The following BLM variants were observed in gnomAD, a reference collection of about 807,000 sequenced individuals.
BLM encodes BLM RecQ like helicase.
BLM carries 95 observed loss-of-function variants against 135.3 expected under a neutral mutation model. That is an observed-to-expected ratio of 0.70 (90% confidence interval 0.59 to 0.83). The LOEUF (loss-of-function observed/expected upper bound fraction) is 0.83. Among genes scored for constraint, BLM ranks in the 40% least tolerant of loss-of-function variants. The probability of loss-of-function intolerance (pLI) is 0.00; values close to 1 mark genes in which losing one functional copy is unlikely to be tolerated. For synonymous variants in BLM, 520 were observed against 589.2 expected, an observed-to-expected ratio of 0.88 and a Z score of 1.70; for missense variants, 1,518 against 1,663.9, an observed-to-expected ratio of 0.91 and a Z score of 1.53.
rs1288025724 is a variant in BLM at position 90,794,251 on chromosome 15, A to G, written c.3104A>G (p.Glu1035Gly). 1.2e-6 allele frequency: 2 copies of G among 1,605,484 alleles called. No individual in the cohort carries two copies. Among genetic ancestry groups the G allele is most frequent in the East Asian group, 4.5e-5 (2 of 44,484 alleles). The change falls in exon 16 of 22, where the codon GAA (glutamate) becomes GGA (glycine). Residue 1035 changes from glutamate (E) to glycine (G), a missense_variant. Glu to Gly is a moderately conservative substitution (Grantham distance 98). Around this residue, in one of 5 missense-constraint regions of BLM, gnomAD observed 626 missense variants for 681.1 expected, o/e 0.92. Transcript: ENST00000355112. Reference protein sequence around the residue: ...SMVHYCENITECRRIQLLAYF... With the variant: ...SMVHYCENITGCRRIQLLAYF... The stretch of plus-strand genomic sequence containing the variant: ...GTACATTACTGTGAAAATATAACGG[A>G]ATGCAGGAGAATACAGCTTTTGGCC...
At chr15:90,754,584 G>T (rs1478610166) in intron 4 of BLM, among the ~76,000 whole-genome samples, 3 of 152,152 alleles carry the variant, frequency 2.0e-5, no homozygotes, top group Non-Finnish European at 4.4e-5. Flanking sequence ...CTGAAGATTT[G>T]TGTTACTGAA....
At chr15:90,730,356 AAAAAG>A (rs1490010717) in intron 1 of BLM, among the ~76,000 whole-genome samples, 1 of 152,194 alleles carries the variant, frequency 6.6e-6, no homozygotes. Context: ...TTCCTGATCT[AAAAAG>A]AAAAGTTTCC....
intron 12 of BLM, among the ~76,000 whole-genome samples, chr15:90,775,593 T>A (rs1003149349): frequency 1.3e-5 from 2 of 151,652 alleles, no homozygotes; most frequent in African/African-American, 4.8e-5. Flanking sequence ...ATCTCTGCAA[T>A]CTCCACCTCC....
In BLM at chr15:90,763,018, A is replaced by T. The variant is rs1270762599; in HGVS notation, c.1935A>T (p.Gln645His). 6.2e-7 allele frequency: 1 copy of T among 1,613,564 alleles called. No individual in the cohort carries two copies. Among genetic ancestry groups the T allele is most frequent in the Admixed American group, 1.7e-5 (1 of 59,882 alleles). The stretch of plus-strand genomic sequence containing the variant: ...GAAATCTGAAACATGAGCGTTTCCA[A>T]AGTCTTAGTTTTCCTCATACAAAGG... ...ASRNLKHERF[Q>H]SLSFPHTKEM... The change falls in exon 8 of 22, where the codon CAA becomes CAT. Residue 645 changes from glutamine to histidine, a missense_variant. Gln to His is a conservative substitution (Grantham distance 24). Around this residue, in one of 5 missense-constraint regions of BLM, gnomAD observed 724 missense variants for 756.9 expected, o/e 0.96. Coordinates refer to ENST00000355112, the MANE Select transcript of BLM (RefSeq NM_000057.4).
Position 90,752,133 on chromosome 15 carries a change from C to T in BLM, c.959+187C>T, listed in dbSNP as rs28384993. 0.045 allele frequency among the ~76,000 whole-genome samples: 6,894 copies of T among 151,594 alleles called. 210 individuals are homozygous for T. The highest frequency in any genetic ancestry group is 0.053 in the South Asian group (257 of 4,808). Reference sequence around the variant, plus strand: ...ATTGGTTGCATTCTAAAGATGAAGTCCCATTATGATTAATTACATGAAACT... The same window carrying T: ...ATTGGTTGCATTCTAAAGATGAAGTTCCATTATGATTAATTACATGAAACT... On this transcript the variant is annotated intron_variant, in intron 4 of 21. Coordinates refer to ENST00000355112, the MANE Select transcript of BLM (RefSeq NM_000057.4).
intron 14 of BLM, among the ~76,000 whole-genome samples, chr15:90,789,997 T>TGTTTTTTTTTTG (rs1477748631): frequency 3.1e-5 from 2 of 64,602 alleles, no homozygotes; most frequent in African/African-American, 1.7e-4. Context: ...GTTTTTTTTT[T>TGTTTTTTTTTTG]TTTTTTTTTT....
chr15:90,788,559 A>AAAATAACT, intron 14 of BLM, among the ~76,000 whole-genome samples: 1 of 148,820 alleles, frequency 6.7e-6, no homozygotes, highest in Admixed American at 6.8e-5. Context: ...TATTCAAGTG[A>AAAATAACT]AAATAACTAA....
At position 90,811,237 on chromosome 15, in the gene BLM, A is replaced by G; in HGVS notation, c.3907A>G (p.Ser1303Gly). The G allele has an allele frequency of 6.2e-7, 1 of 1,613,864 alleles. No individual in the cohort carries two copies. The highest frequency in any genetic ancestry group is 1.3e-5 in the African/African-American group (1 of 75,036). Residue 1303 changes from serine (S) to glycine (G), a missense_variant, in exon 21 of 22, where the codon AGC (serine) becomes GGC (glycine). By Grantham distance (56) the Ser-to-Gly change is moderately conservative (BLOSUM62 0). Around this residue, in one of 5 missense-constraint regions of BLM, gnomAD observed 153 missense variants for 173.4 expected, o/e 0.88. Transcript: ENST00000355112. The part of the protein sequence containing the change: ...EDSSPGISLS[S>G]SRGPGRSAAE... The stretch of plus-strand genomic sequence containing the variant: ...CAGTTCCCCAGGGATAAGCCTGTCC[A>G]GCAGCAGAGGCCCCGGAAGAAGTGC...
At chr15:90,729,477 C>T (rs1319085688) in intron 1 of BLM, among the ~76,000 whole-genome samples, 1 of 152,164 alleles carries the variant, frequency 6.6e-6, no homozygotes, top group Non-Finnish European at 1.5e-5. Context: ...TTCCCCTTTT[C>T]AGCTTTTAGA....
At chr15:90,763,952 A>G (rs1233696709) in intron 8 of BLM, among the ~76,000 whole-genome samples, 1 of 152,226 alleles carries the variant, frequency 6.6e-6, no homozygotes, top group East Asian at 1.9e-4. Flanking sequence ...TCATTATTGT[A>G]TAATGTTGAC....
chr15:90,785,998 C>CTTTTTTTTTT (rs869185558), intron 14 of BLM, among the ~76,000 whole-genome samples: 13 of 110,698 alleles, frequency 1.2e-4, no homozygotes, highest in South Asian at 3.2e-4. Context: ...TCGTTTCTTT[C>CTTTTTTTTTT]TTTTTTTTTT....
rs436723 is a variant in BLM at position 90,809,544 on chromosome 15, A to G, written c.3874+285A>G. Among the ~76,000 whole-genome samples, 100,470 of 152,040 alleles carry G rather than the reference A, an allele frequency of 0.66. 33,543 individuals carry two copies. The highest frequency in any genetic ancestry group is 0.82 in the East Asian group (4,229 of 5,172). On this transcript the variant is annotated intron_variant, in intron 20 of 21. Transcript: ENST00000355112. The stretch of plus-strand genomic sequence containing the variant: ...TGCTCAAGGGATCAGAGCCCTGGGT[A>G]CCAGTTCCAGATCTGCCACCACGTC...
At chr15:90,781,100 G>T (rs1484123799) in intron 12 of BLM, among the ~76,000 whole-genome samples, 1 of 152,192 alleles carries the variant, frequency 6.6e-6, no homozygotes, top group Non-Finnish European at 1.5e-5. Context: ...GAAGTGGGCG[G>T]GAGGAAATGG....
Position 90,749,760 on chromosome 15 carries a change from G to T in BLM, c.492G>T (p.Glu164Asp), listed in dbSNP as rs1895620873. 1 of 1,613,520 alleles carries T rather than the reference G, an allele frequency of 6.2e-7. No homozygotes were observed. Among genetic ancestry groups the T allele is most frequent in the South Asian group, 1.1e-5 (1 of 91,042 alleles). The change falls in exon 3 of 22, where the codon GAG becomes GAT. Residue 164 changes from glutamate (E) to aspartate (D), a missense_variant. By Grantham distance (45) the Glu-to-Asp change is conservative. This residue lies in a region of BLM where 724 missense variants were observed against 756.9 expected (regional missense o/e 0.96). Coordinates refer to ENST00000355112, the MANE Select transcript of BLM (RefSeq NM_000057.4). Reference sequence around the variant, plus strand: ...ATATGGATGACTTTGATACTTCTGAGACTTCAAAATCATTTGTTACACCAC... The same window carrying T: ...ATATGGATGACTTTGATACTTCTGATACTTCAAAATCATTTGTTACACCAC... ...WDDMDDFDTS[E>D]TSKSFVTPPQ...
intron 14 of BLM, among the ~76,000 whole-genome samples, chr15:90,788,471 GTTTTTTTTTTTT>G (rs35158343): frequency 5.3e-5 from 5 of 94,994 alleles, no homozygotes; most frequent in Admixed American, 3.9e-4. Flanking sequence ...CCAGTGTTTT[GTTTTTTTTTTTT>G]TTTTTTTTTT....
intron 1 of BLM, among the ~76,000 whole-genome samples, chr15:90,734,652 TACACACACACGCGCGCACGC>T (rs1244864510): frequency 2.5e-5 from 3 of 118,168 alleles, no homozygotes; most frequent in Admixed American, 2.4e-4. Context: ...CACGCACACA[TACACACACACGCGCGCACGC>T]ACGCACACAC....
chr15:90,775,695 A>G (rs976733431), intron 12 of BLM, among the ~76,000 whole-genome samples: 3 of 151,936 alleles, frequency 2.0e-5, no homozygotes, highest in Non-Finnish European at 2.9e-5. Flanking sequence ...TATTTTTAGT[A>G]GAGACGGGGT....
chr15:90,811,684 G>A lies in BLM; in HGVS notation c.4076+278G>A, dbSNP rs28385159. Among the ~76,000 whole-genome samples, 3,040 of 152,228 alleles carry A rather than the reference G, an allele frequency of 0.02. 108 individuals are homozygous for A. The highest frequency in any genetic ancestry group is 0.069 in the African/African-American group (2,847 of 41,518). On this transcript the variant is annotated intron_variant, in intron 21 of 21. Coordinates refer to ENST00000355112, the MANE Select transcript of BLM (RefSeq NM_000057.4). ...TTTCTTTTTTTAATTTGAGGACAAA[G>A]TCTGACTCTGTTGCCCAGGCTAGAG... is the stretch of plus-strand genomic sequence containing the variant.
intron 1 of BLM, among the ~76,000 whole-genome samples, chr15:90,733,746 A>G (rs1395155938): frequency 6.6e-6 from 1 of 152,228 alleles, no homozygotes; most frequent in Non-Finnish European, 1.5e-5. Context: ...GTTAATGAAC[A>G]TATCCATCAC....
Sources: gnomAD v4.1 joint callset for allele counts (sites outside exome capture counted in the v4.1 genomes callset) on GRCh38, gnomAD v4.1.1 for gene constraint, gnomAD v4.1.1 regional missense constraint, MANE v1.5 for transcripts, NCBI Gene and HGNC (gene_info 2026-07-23, HGNC 2026-07-21) for gene names.